The following GXYLT2 variants were observed in gnomAD, a reference collection of about 807,000 sequenced individuals.
GXYLT2 encodes the protein glycosyltransferase 8 domain containing 4.
In GXYLT2, 53 loss-of-function variants were observed where a neutral mutation model predicts 45.8. That is an observed-to-expected ratio of 1.16 (90% confidence interval 0.93 to 1.46). GXYLT2 has a LOEUF of 1.46. Among genes scored for constraint, GXYLT2 ranks in the 40% most tolerant of loss-of-function variants. The pLI is 0.00. For synonymous variants in GXYLT2, 219 were observed against 214.2 expected (o/e 1.02, Z -0.19); for missense variants, 551 against 544.4 (o/e 1.01, Z -0.12).
At chr3:72,970,043 A>AC (rs1196915834) in intron 6 of GXYLT2, among the ~76,000 whole-genome samples, 13 of 151,598 alleles carry the variant, frequency 8.6e-5, no homozygotes, top group African/African-American at 3.2e-4. Context: ...ACATAGTGAG[A>AC]CCCCATCTCA....
chr3:72,924,692 C>G (rs79873798), intron 3 of GXYLT2, among the ~76,000 whole-genome samples: 1 of 151,960 alleles, frequency 6.6e-6, no homozygotes, highest in Non-Finnish European at 1.5e-5. Flanking sequence ...CTGCCTGAAA[C>G]GGAATTTACC....
At chr3:72,915,839 A>C (rs1709731242) in intron 2 of GXYLT2, among the ~76,000 whole-genome samples, 1 of 151,994 alleles carries the variant, frequency 6.6e-6, no homozygotes, top group Non-Finnish European at 1.5e-5. Flanking sequence ...TCTCAAAAAA[A>C]AAAAAAGAGA....
chr3:72,922,405 G>T (rs114402102), intron 3 of GXYLT2, 70 bp downstream of exon 3: 8 of 1,475,824 alleles, frequency 5.4e-6, no homozygotes, highest in Middle Eastern at 1.8e-4. Flanking sequence ...TGAGATGTGT[G>T]TAGAAACATT....
At chr3:72,932,245 A>T (rs560881068) in intron 3 of GXYLT2, among the ~76,000 whole-genome samples, 11 of 152,086 alleles carry the variant, frequency 7.2e-5, no homozygotes, top group Non-Finnish European at 1.2e-4. Flanking sequence ...TTTAGTAGAG[A>T]TGGGGTTTCA....
chr3:72,942,656 A>G (rs1391586454), intron 3 of GXYLT2, among the ~76,000 whole-genome samples: 10 of 152,092 alleles, frequency 6.6e-5, no homozygotes, highest in Admixed American at 2.6e-4. Context: ...CCAATAAAGC[A>G]TAACCTCAAT....
At chr3:72,971,569 C>G (rs1428470444) in intron 6 of GXYLT2, among the ~76,000 whole-genome samples, 2 of 152,054 alleles carry the variant, frequency 1.3e-5, no homozygotes, top group Non-Finnish European at 2.9e-5. Flanking sequence ...AGATTATCTA[C>G]CTCAAACAAG....
Position 72,957,307 on chromosome 3 carries a change from TG to T in GXYLT2, c.935del (p.Gly312GlufsTer6), listed in dbSNP as rs1248588037. 3 of 1,613,496 alleles carry T rather than the reference TG, an allele frequency of 1.9e-6. No individual in the cohort carries two copies. Among genetic ancestry groups the T allele is most frequent in the Non-Finnish European group, 2.5e-6 (3 of 1,179,616 alleles). On this transcript the variant is annotated frameshift_variant, in exon 5 of 7. Coordinates refer to ENST00000389617, the MANE Select transcript of GXYLT2 (RefSeq NM_001080393.2). LOFTEE classifies it high-confidence loss of function. ...CCAGAAGTACAAGAATGCCATCACG[TG>T]GGGAGACCAGGATTTATTAAATATT... ...LYQKYKNAIT[W>X]GDQDLLNIIF...
chr3:72,938,954 T>G (rs961645094), intron 3 of GXYLT2, among the ~76,000 whole-genome samples: 1 of 152,240 alleles, frequency 6.6e-6, no homozygotes, highest in African/African-American at 2.4e-5. Context: ...CTTCATTGAT[T>G]GGTGCATGCC....
chr3:72,902,514 T>C lies in GXYLT2; in HGVS notation c.276-5853T>C, dbSNP rs139306921. On this transcript the variant is annotated intron_variant, in intron 1 of 6. Transcript: ENST00000389617. The stretch of plus-strand genomic sequence containing the variant: ...TTTTCAATTGAAAGGGAGGATTAGA[T>C]AATATCAGAAAAGTGTTCAAGACAT... 9.2e-5 allele frequency among the ~76,000 whole-genome samples: 14 copies of C among 152,250 alleles called. No individual in the cohort carries two copies. In the East Asian group the frequency reaches 2.3e-3, roughly 25 times the overall value.
At chr3:72,937,637 G>T (rs1324574153) in intron 3 of GXYLT2, among the ~76,000 whole-genome samples, 1 of 152,178 alleles carries the variant, frequency 6.6e-6, no homozygotes, top group African/African-American at 2.4e-5. Context: ...CTAAAGAATA[G>T]TCATTCTGCC....
At chr3:72,964,098 C>G (rs533368010) in intron 5 of GXYLT2, among the ~76,000 whole-genome samples, 2 of 151,774 alleles carry the variant, frequency 1.3e-5, no homozygotes, top group East Asian at 3.9e-4. Context: ...GCATGAGCCA[C>G]CATGCCCGGC....
At chr3:72,959,024 C>T (rs566089936) in intron 5 of GXYLT2, among the ~76,000 whole-genome samples, 2 of 148,202 alleles carry the variant, frequency 1.3e-5, no homozygotes, top group African/African-American at 5.0e-5. Context: ...CTCACTGTAG[C>T]CTTGACCTCC....
intron 3 of GXYLT2, chr3:72,929,551 A>G (rs1345706313): frequency 8.6e-7 from 1 of 1,160,560 alleles, no homozygotes; most frequent in East Asian, 2.3e-5. Context: ...TCGGCAGAAT[A>G]TCTCTTTGAC....
At chr3:72,913,089 G>C (rs369455516) in intron 2 of GXYLT2, among the ~76,000 whole-genome samples, 55 of 150,198 alleles carry the variant, frequency 3.7e-4, no homozygotes, top group African/African-American at 1.3e-3. Flanking sequence ...CCAGGTGGGA[G>C]TGCAGTGGCG....
chr3:72,954,570 A>G (rs1710596076), intron 3 of GXYLT2, among the ~76,000 whole-genome samples: 1 of 151,346 alleles, frequency 6.6e-6, no homozygotes, highest in African/African-American at 2.4e-5. Flanking sequence ...TGTCCACTTC[A>G]GGTTGCAGTA....
At chr3:72,900,824 T>C (rs191375934) in intron 1 of GXYLT2, among the ~76,000 whole-genome samples, 4,584 of 152,100 alleles carry the variant, frequency 0.03, 92 homozygotes, top group Non-Finnish European at 0.045. Context: ...ATTTATTTAA[T>C]AACTTTATTG....
At chr3:72,947,403 C>T (rs757947684) in intron 3 of GXYLT2, among the ~76,000 whole-genome samples, 3 of 152,096 alleles carry the variant, frequency 2.0e-5, no homozygotes, top group Non-Finnish European at 4.4e-5. Context: ...TTGTGCTACG[C>T]GGTGGAGGAA....
chr3:72,904,877 CAAAAAAAAA>C (rs774693806), intron 1 of GXYLT2, among the ~76,000 whole-genome samples: 3 of 30,636 alleles, frequency 9.8e-5, no homozygotes, highest in African/African-American at 1.6e-4. Flanking sequence ...ACTAAAGATA[CAAAAAAAAA>C]AAAAAAAAAA....
chr3:72,962,618 A>G (rs1292351248), intron 5 of GXYLT2, among the ~76,000 whole-genome samples: 2 of 152,236 alleles, frequency 1.3e-5, no homozygotes, highest in Non-Finnish European at 2.9e-5. Context: ...TTTGAGCACT[A>G]TGTGCCAGCC....
Sources: gnomAD v4.1 joint callset for allele counts (sites outside exome capture counted in the v4.1 genomes callset) on GRCh38, gnomAD v4.1.1 for gene constraint, MANE v1.5 for transcripts, NCBI Gene and HGNC (gene_info 2026-07-23, HGNC 2026-07-21) for gene names.